The following DRC8 variants were observed in gnomAD, a reference collection of about 807,000 sequenced individuals.
The protein encoded by DRC8 is dynein regulatory complex subunit 8.
the DRC8 span, among the ~76,000 whole-genome samples, chr1:245,113,703 T>C: frequency 6.6e-6 from 1 of 152,076 alleles, no homozygotes. Context: ...AATAATAATA[T>C]TAACACCTAA....
chr1:245,116,776 C>T, the DRC8 span, among the ~76,000 whole-genome samples: 4 of 152,102 alleles, frequency 2.6e-5, no homozygotes, highest in Admixed American at 2.6e-4. Context: ...AATATTTTAT[C>T]AACTAAATAC....
the DRC8 span, among the ~76,000 whole-genome samples, chr1:245,118,795 A>AAAACGAAAAGAAAAG: frequency 7.2e-6 from 1 of 138,484 alleles, no homozygotes; most frequent in East Asian, 2.2e-4. Flanking sequence ...GCCATCTCAA[A>AAAACGAAAAGAAAAG]AAAAGAAAAG....
the DRC8 span, among the ~76,000 whole-genome samples, chr1:244,995,947 C>G: frequency 2.0e-5 from 3 of 152,212 alleles, no homozygotes; most frequent in East Asian, 5.8e-4. Flanking sequence ...CCCGTTTTCC[C>G]GTACCATACC....
At chr1:245,123,098 T>TA in the DRC8 span, 1 of 152,178 alleles carries the variant, frequency 6.6e-6, no homozygotes, top group Non-Finnish European at 1.5e-5. The surrounding 1 kb of genome is among the most constrained non-coding windows in gnomAD (Gnocchi z 5.0). Flanking sequence ...AGCTCACAAA[T>TA]AAAAAGCCTC....
chr1:244,990,619 A>ATCCCGAG, the DRC8 span, among the ~76,000 whole-genome samples: 1 of 152,112 alleles, frequency 6.6e-6, no homozygotes, highest in Admixed American at 6.6e-5. Context: ...CTCCTATGTC[A>ATCCCGAG]CTATGACATA....
the DRC8 span, among the ~76,000 whole-genome samples, chr1:245,113,823 C>T: frequency 1.3e-5 from 2 of 151,910 alleles, no homozygotes; most frequent in African/African-American, 4.8e-5. Flanking sequence ...CTCTTGTCCC[C>T]AGTTTAGTTA....
chr1:245,100,250 C>T, the DRC8 span, among the ~76,000 whole-genome samples: 133 of 151,956 alleles, frequency 8.8e-4, no homozygotes, highest in African/African-American at 3.1e-3. Context: ...CTGGACATAG[C>T]GGCATGTGCC....
the DRC8 span, among the ~76,000 whole-genome samples, chr1:245,000,233 C>T: frequency 6.6e-6 from 1 of 152,194 alleles, no homozygotes; most frequent in Non-Finnish European, 1.5e-5. Context: ...TGGTCTCTCT[C>T]TCAAAATATC....
the DRC8 span, among the ~76,000 whole-genome samples, chr1:245,113,692 C>T: frequency 6.6e-6 from 1 of 152,040 alleles, no homozygotes; most frequent in African/African-American, 2.4e-5. Flanking sequence ...TAATAACAAA[C>T]AATAATAATA....
the DRC8 span, chr1:245,059,371 CTT>C: frequency 6.9e-7 from 1 of 1,450,780 alleles, no homozygotes; most frequent in Admixed American, 1.9e-5. Flanking sequence ...CCATTGAAAA[CTT>C]TTTTTTTTCC....
At chr1:245,055,807 C>T in the DRC8 span, among the ~76,000 whole-genome samples, 1 of 152,182 alleles carries the variant, frequency 6.6e-6, no homozygotes, top group Admixed American at 6.5e-5. Flanking sequence ...ATCCCTGGGT[C>T]AGACTGTGCT....
the DRC8 span, among the ~76,000 whole-genome samples, chr1:245,020,791 C>A: frequency 6.8e-6 from 1 of 148,058 alleles, no homozygotes; most frequent in Non-Finnish European, 1.5e-5. Flanking sequence ...GGCTAATTTT[C>A]GTATTTTTTT....
chr1:245,001,812 T>C, the DRC8 span, among the ~76,000 whole-genome samples: 7 of 152,208 alleles, frequency 4.6e-5, no homozygotes, highest in African/African-American at 1.7e-4. Context: ...TCAAGTTTTC[T>C]AAATTTTTTT....
the DRC8 span, among the ~76,000 whole-genome samples, chr1:245,026,797 T>A: frequency 6.6e-6 from 1 of 152,226 alleles, no homozygotes; most frequent in Non-Finnish European, 1.5e-5. Context: ...TAGTACCATA[T>A]ATATACACTT....
At chr1:245,051,371 A>G in the DRC8 span, among the ~76,000 whole-genome samples, 1 of 152,178 alleles carries the variant, frequency 6.6e-6, no homozygotes, top group South Asian at 2.1e-4. Flanking sequence ...CCTGGGTAAC[A>G]GAGCAGACCC....
the DRC8 span, among the ~76,000 whole-genome samples, chr1:244,980,040 T>TAAAAAA: frequency 6.5e-3 from 226 of 34,728 alleles, 17 homozygotes; most frequent in African/African-American, 0.03. Flanking sequence ...CCGTCTCTAC[T>TAAAAAA]AAAAAAAAAA....
chr1:245,022,399 A>G, the DRC8 span, among the ~76,000 whole-genome samples: 2 of 151,908 alleles, frequency 1.3e-5, no homozygotes, highest in African/African-American at 2.4e-5. Flanking sequence ...CCTGGCCTCA[A>G]GTGACCCGCC....
chr1:245,000,509 C>T, the DRC8 span, among the ~76,000 whole-genome samples: 3 of 152,018 alleles, frequency 2.0e-5, no homozygotes, highest in Non-Finnish European at 2.9e-5. Context: ...TGGCCAGGCA[C>T]GGTGGTTCAA....
chr1:245,060,214 C>T, the DRC8 span, among the ~76,000 whole-genome samples: 1 of 152,130 alleles, frequency 6.6e-6, no homozygotes, highest in South Asian at 2.1e-4. Context: ...CCTGCTTGTT[C>T]AACATTAAGT....
Sources: allele counts gnomAD v4.1 joint callset (sites outside exome capture counted in the v4.1 genomes callset), GRCh38; gene constraint gnomAD v4.1.1; non-coding constraint Gnocchi (gnomAD v3.1); transcripts MANE v1.5; gene names NCBI Gene and HGNC (gene_info 2026-07-23, HGNC 2026-07-21).